The following MESP1 variants were observed in gnomAD, a reference collection of about 807,000 sequenced individuals.
MESP1 encodes the protein mesoderm posterior bHLH transcription factor 1.
A neutral mutation model predicts 15.2 loss-of-function variants in MESP1; 22 were observed. The ratio of observed to expected loss-of-function variants is 1.45; its 90% CI spans 1.04 to 2.07. The LOEUF (loss-of-function observed/expected upper bound fraction) is 2.07. Among genes scored for constraint, MESP1 ranks in the 30% most tolerant of loss-of-function variants. The pLI is 0.00. For synonymous variants in MESP1, 216 were observed against 192.6 expected (o/e 1.12, Z -1.01); for missense variants, 484 against 411.9 (o/e 1.17, Z -1.51).
At chr15:89,746,411 C>A (rs374898551), downstream of MESP1, among the ~76,000 whole-genome samples, 1 of 149,546 alleles carries the variant, frequency 6.7e-6, no homozygotes, top group East Asian at 2.0e-4. Flanking sequence ...GCATCCACAC[C>A]TCCACACATC....
chr15:89,743,540 A>C, the MESP1 span: 4 of 692,162 alleles, frequency 5.8e-6, no homozygotes, highest in African/African-American at 5.4e-5. Context: ...CAGCAAGGGG[A>C]AAAGTATAAT....
At chr15:89,732,669 C>A in the MESP1 span, among the ~76,000 whole-genome samples, 1 of 151,866 alleles carries the variant, frequency 6.6e-6, no homozygotes, top group African/African-American at 2.4e-5. Flanking sequence ...GCTGTGCCTC[C>A]CCCTGCCCAT....
At chr15:89,748,721 A>G (rs991367247), downstream of MESP1, 1 of 152,310 alleles carries the variant, frequency 6.6e-6, no homozygotes, top group African/African-American at 2.4e-5. Flanking sequence ...AGAGACAGAG[A>G]CTAGAAGAGT....
chr15:89,748,787 G>A (rs1178378717), downstream of MESP1: 2 of 152,206 alleles, frequency 1.3e-5, no homozygotes, highest in Non-Finnish European at 2.9e-5. Context: ...CAGGTATACG[G>A]TTTCTTTTGG....
At chr15:89,736,823 G>A in the MESP1 span, among the ~76,000 whole-genome samples, 2 of 147,532 alleles carry the variant, frequency 1.4e-5, no homozygotes, top group South Asian at 2.1e-4. Flanking sequence ...ACGGAGTCTC[G>A]CTCTGCCGCC....
Position 89,750,896 on chromosome 15 carries a change from G to C in MESP1, c.336C>G (p.Ser112=), listed in dbSNP as rs763012559. Residue 112 remains serine, a synonymous_variant, in exon 1 of 2, where the codon TCC becomes TCG. Coordinates refer to ENST00000300057, the MANE Select transcript of MESP1 (RefSeq NM_018670.4). ...LHELRRFLPP[S]VAPAGQSLTK... The stretch of plus-strand genomic sequence containing the variant: ...TCAGGCTCTGGCCCGCGGGCGCCAC[G>C]GACGGCGGTAGAAAGCGGCGCAGCT... 8.0e-6 allele frequency: 12 copies of C among 1,493,892 alleles called. No individual in the cohort carries two copies. The East Asian group carries it at 1.1e-4, about 14-fold the overall frequency. 92.5% of individuals were successfully genotyped at this position (1,493,892 alleles called of 1,614,324 possible). A position where few individuals can be genotyped will look rare whatever the true frequency, so the allele number is the denominator to read the frequency against.
At chr15:89,743,169 C>G in the MESP1 span, 1 of 889,082 alleles carries the variant, frequency 1.1e-6, no homozygotes, top group Non-Finnish European at 1.8e-6. Flanking sequence ...GACACAGAGG[C>G]GATGCAGGTG....
downstream of MESP1, among the ~76,000 whole-genome samples, chr15:89,745,962 T>C (rs1354784668): frequency 3.6e-5 from 5 of 139,332 alleles, no homozygotes; most frequent in Admixed American, 2.8e-4. The surrounding 1 kb of genome is among the most constrained non-coding windows in gnomAD (Gnocchi z 4.8). Context: ...CCTCCACACA[T>C]CCACACCTCC....
At chr15:89,734,312 T>C in the MESP1 span, among the ~76,000 whole-genome samples, 1 of 152,198 alleles carries the variant, frequency 6.6e-6, no homozygotes, top group African/African-American at 2.4e-5. Context: ...CTCTCAAATG[T>C]GCCTTCAGGC....
At chr15:89,742,493 T>C in the MESP1 span, among the ~76,000 whole-genome samples, 4 of 152,148 alleles carry the variant, frequency 2.6e-5, no homozygotes, top group African/African-American at 9.7e-5. Flanking sequence ...CTGATTTTTC[T>C]GTAGTGAACA....
At chr15:89,740,829 T>C in the MESP1 span, among the ~76,000 whole-genome samples, 11 of 152,046 alleles carry the variant, frequency 7.2e-5, no homozygotes, top group Non-Finnish European at 1.2e-4. Context: ...TGCAAATGTA[T>C]AGATTACTTT....
chr15:89,738,106 A>G, the MESP1 span: 1 of 1,614,062 alleles, frequency 6.2e-7, no homozygotes, highest in Non-Finnish European at 8.5e-7. Context: ...TTTCTATTTT[A>G]ATTTTGAGGC....
At chr15:89,734,271 C>G in the MESP1 span, among the ~76,000 whole-genome samples, 1 of 152,310 alleles carries the variant, frequency 6.6e-6, no homozygotes, top group Admixed American at 6.5e-5. Context: ...GGACTGGACT[C>G]AGTCCGTTTC....
downstream of MESP1, among the ~76,000 whole-genome samples, chr15:89,748,424 T>A (rs1021463369): frequency 6.6e-6 from 1 of 152,136 alleles, no homozygotes; most frequent in Non-Finnish European, 1.5e-5. Context: ...AGGGACTCGA[T>A]CCCACTCTGC....
At chr15:89,746,347 ACATCCACACATCCACACAG>A (rs1417728524), downstream of MESP1, among the ~76,000 whole-genome samples, 9 of 135,392 alleles carry the variant, frequency 6.6e-5, no homozygotes, top group Non-Finnish European at 1.2e-4. Context: ...ACACATCCAC[ACATCCACACATCCACACAG>A]CATCCACACC....
chr15:89,741,945 G>T, the MESP1 span, among the ~76,000 whole-genome samples: 16 of 152,122 alleles, frequency 1.1e-4, no homozygotes, highest in African/African-American at 2.7e-4. Context: ...TAGAGACGGG[G>T]TTTCACCATG....
the MESP1 span, among the ~76,000 whole-genome samples, chr15:89,732,703 C>A: frequency 7.9e-5 from 12 of 152,064 alleles, no homozygotes; most frequent in Non-Finnish European, 1.8e-4. Flanking sequence ...CCATGGTCAG[C>A]TGCGCCTCAG....
At chr15:89,733,334 A>G in the MESP1 span, 1 of 961,278 alleles carries the variant, frequency 1.0e-6, no homozygotes, top group Non-Finnish European at 1.5e-6. Context: ...TATAGTCATC[A>G]CTCTCCTGGT....
At chr15:89,735,849 G>A in the MESP1 span, among the ~76,000 whole-genome samples, 4 of 152,194 alleles carry the variant, frequency 2.6e-5, no homozygotes, top group African/African-American at 9.7e-5. Flanking sequence ...ACCTGCAGAA[G>A]TTGGCAGCAG....
Sources: gnomAD v4.1 joint callset for allele counts (sites outside exome capture counted in the v4.1 genomes callset) on GRCh38, gnomAD v4.1.1 for gene constraint, Gnocchi (gnomAD v3.1) non-coding constraint, MANE v1.5 for transcripts, NCBI Gene and HGNC (gene_info 2026-07-23, HGNC 2026-07-21) for gene names.